SYT1: variants seen among roughly 807,000 people sequenced by gnomAD.
SYT1 encodes synaptotagmin 1.
A neutral mutation model predicts 44.8 loss-of-function variants in SYT1; 8 were observed. The ratio of observed to expected loss-of-function variants is 0.18; its 90% CI spans 0.10 to 0.32. SYT1 has a LOEUF of 0.32. Among genes scored for constraint, SYT1 ranks in the 10% least tolerant of loss-of-function variants. SYT1 has a pLI of 1.00. For missense variants in SYT1, 286 were observed against 509.3 expected, an observed-to-expected ratio of 0.56 and a Z score of 4.22; for synonymous variants, 154 against 188.8, an observed-to-expected ratio of 0.82 and a Z score of 1.51.
intron 3 of SYT1, among the ~76,000 whole-genome samples, chr12:79,066,104 A>T (rs1279331763): frequency 2.0e-5 from 3 of 152,022 alleles, no homozygotes; most frequent in Admixed American, 2.0e-4. Flanking sequence ...ATGCACACAC[A>T]GTCTACACTA....
intron 3 of SYT1, among the ~76,000 whole-genome samples, chr12:79,113,108 A>G (rs1879102742): frequency 1.3e-5 from 2 of 152,062 alleles, no homozygotes; most frequent in Non-Finnish European, 2.9e-5. Flanking sequence ...TATGTTTTTT[A>G]TTGCTGTTTT....
chr12:78,988,240 G>A (rs181224606), intron 2 of SYT1, among the ~76,000 whole-genome samples: 1 of 151,090 alleles, frequency 6.6e-6, no homozygotes, highest in African/African-American at 2.4e-5. Context: ...CATTATATTG[G>A]AGAAACAGAC....
chr12:79,126,867 A>G (rs1308230871), intron 3 of SYT1, among the ~76,000 whole-genome samples: 1 of 152,144 alleles, frequency 6.6e-6, no homozygotes, highest in African/African-American at 2.4e-5. Context: ...TGTCAACCCT[A>G]TGGTGTCTAT....
chr12:79,105,245 A>G (rs1878649768), intron 3 of SYT1, among the ~76,000 whole-genome samples: 1 of 152,182 alleles, frequency 6.6e-6, no homozygotes, highest in South Asian at 2.1e-4. Context: ...TGCAAAAATA[A>G]TGATGATGCC....
At chr12:79,224,751 TTTATTATTATTA>T (rs201728926) in intron 4 of SYT1, among the ~76,000 whole-genome samples, 37 of 24,030 alleles carry the variant, frequency 1.5e-3, no homozygotes, top group East Asian at 6.3e-3. Flanking sequence ...TTATTTATTT[TTTATTATTATTA>T]TTATTATTAT....
At chr12:79,291,701 T>G in intron 5 of SYT1, 1 of 470,584 alleles carries the variant, frequency 2.1e-6, no homozygotes, top group Non-Finnish European at 4.2e-6. Context: ...AGCAGCAGTT[T>G]TATCAGAGCC....
intron 9 of SYT1, among the ~76,000 whole-genome samples, chr12:79,425,332 C>A (rs1869386527): frequency 6.6e-6 from 1 of 152,092 alleles, no homozygotes; most frequent in Non-Finnish European, 1.5e-5. Flanking sequence ...TTCAAAAGTT[C>A]TTTAACCAGA....
intron 3 of SYT1, among the ~76,000 whole-genome samples, chr12:79,188,189 C>T (rs970447349): frequency 6.6e-6 from 1 of 151,908 alleles, no homozygotes; most frequent in African/African-American, 2.4e-5. Flanking sequence ...TTTATAAGAT[C>T]ATATAGCATG....
intron 3 of SYT1, among the ~76,000 whole-genome samples, chr12:79,091,727 ATAAT>A (rs1330241223): frequency 6.6e-6 from 1 of 152,022 alleles, no homozygotes; most frequent in East Asian, 1.9e-4. Flanking sequence ...TTGTAGGTAA[ATAAT>A]AAAATCTCAA....
intron 3 of SYT1, among the ~76,000 whole-genome samples, chr12:79,140,848 C>T (rs1425087708): frequency 6.6e-6 from 1 of 152,168 alleles, no homozygotes; most frequent in South Asian, 2.1e-4. Flanking sequence ...CCCCTGTGAC[C>T]ATTACTGTTT....
At chr12:79,270,595 A>G (rs1878370320) in intron 4 of SYT1, among the ~76,000 whole-genome samples, 1 of 152,196 alleles carries the variant, frequency 6.6e-6, no homozygotes, top group Non-Finnish European at 1.5e-5. Context: ...TGCCAATGGA[A>G]CTAATAATAC....
In SYT1 at chr12:79,150,767, G is replaced by C. The variant is rs137941217; in HGVS notation, c.-17-66736G>C. Among the ~76,000 whole-genome samples, 4 of 152,270 alleles carry C rather than the reference G, an allele frequency of 2.6e-5. No homozygotes were observed. The East Asian group carries it at 7.7e-4, about 29-fold the overall frequency. On this transcript the variant is annotated intron_variant, in intron 3 of 10. Transcript: ENST00000261205. ...ATAGTATTGCAGAATAATTGCTTAA[G>C]ATATTATATTGTATTTTGTTGTTGC...
At chr12:79,135,227 A>G (rs1238468455) in intron 3 of SYT1, among the ~76,000 whole-genome samples, 9 of 151,310 alleles carry the variant, frequency 5.9e-5, no homozygotes, top group Admixed American at 6.6e-5. Context: ...AGCATTAGGT[A>G]TATCTCCTAA....
At chr12:79,272,719 C>G (rs1363922372) in intron 4 of SYT1, among the ~76,000 whole-genome samples, 6 of 152,046 alleles carry the variant, frequency 3.9e-5, no homozygotes, top group African/African-American at 1.4e-4. Context: ...GGGAAGATAA[C>G]CAAGGGGCTG....
At chr12:79,149,784 C>G (rs1226509480) in intron 3 of SYT1, among the ~76,000 whole-genome samples, 3 of 152,168 alleles carry the variant, frequency 2.0e-5, no homozygotes, top group Non-Finnish European at 4.4e-5. Context: ...GATCCACATT[C>G]TACATGGCAA....
intron 3 of SYT1, among the ~76,000 whole-genome samples, chr12:79,103,851 G>A (rs1477750790): frequency 6.6e-6 from 1 of 151,978 alleles, no homozygotes; most frequent in Non-Finnish European, 1.5e-5. Context: ...CAGAGGATGG[G>A]GCTCTCTTAA....
chr12:79,012,720 C>G (rs1013223377), intron 2 of SYT1, among the ~76,000 whole-genome samples: 1 of 152,176 alleles, frequency 6.6e-6, no homozygotes, highest in Non-Finnish European at 1.5e-5. Context: ...TGTCTACAAA[C>G]AAGTGTTCAA....
At chr12:79,259,610 T>C (rs1005020982) in intron 4 of SYT1, among the ~76,000 whole-genome samples, 8 of 152,162 alleles carry the variant, frequency 5.3e-5, no homozygotes, top group African/African-American at 1.9e-4. Flanking sequence ...GTCATGCACC[T>C]GTGGTCCCAG....
chr12:79,322,112 A>G (rs1881389762), intron 8 of SYT1, among the ~76,000 whole-genome samples: 1 of 152,188 alleles, frequency 6.6e-6, no homozygotes, highest in East Asian at 1.9e-4. Context: ...TTCATTCAGC[A>G]TGCCCCATTT....
Sources: gnomAD v4.1 joint callset for allele counts (sites outside exome capture counted in the v4.1 genomes callset) on GRCh38, gnomAD v4.1.1 for gene constraint, MANE v1.5 for transcripts, NCBI Gene and HGNC (gene_info 2026-07-23, HGNC 2026-07-21) for gene names.